Variants in SLC37A1 observed in about 807,000 individuals in gnomAD.
SLC37A1 encodes solute carrier family 37 member 1.
Under a neutral mutation model 75.3 loss-of-function variants are expected in SLC37A1, and 49 were observed. That is an observed-to-expected ratio of 0.65 (90% confidence interval 0.52 to 0.83). The LOEUF (loss-of-function observed/expected upper bound fraction) is 0.83, where lower values mean the gene tolerates loss of function less well. SLC37A1 is among the 40% of genes least tolerant of loss of function. The pLI is 0.00. For synonymous variants in SLC37A1, 268 were observed against 292.1 expected, an observed-to-expected ratio of 0.92 and a Z score of 0.84; for missense variants, 566 against 695.0, an observed-to-expected ratio of 0.81 and a Z score of 2.09.
chr21:42,519,861 C>G (rs1295085465), intron 2 of SLC37A1, among the ~76,000 whole-genome samples: 1 of 152,188 alleles, frequency 6.6e-6, no homozygotes, highest in African/African-American at 2.4e-5. Flanking sequence ...TTCAAACTCA[C>G]GTAACTTACT....
intron 2 of SLC37A1, among the ~76,000 whole-genome samples, chr21:42,519,240 G>T (rs1001281935): frequency 6.6e-6 from 1 of 152,232 alleles, no homozygotes; most frequent in African/African-American, 2.4e-5. Flanking sequence ...CCTCAAAGGG[G>T]CATTTAGAAT....
At chr21:42,529,925 C>T (rs4546084) in intron 3 of SLC37A1, among the ~76,000 whole-genome samples, 27,199 of 152,044 alleles carry the variant, frequency 0.18, 4,357 homozygotes, top group African/African-American at 0.43. Flanking sequence ...AAATAAAAAA[C>T]ACTACAGCCT....
chr21:42,543,524 T>C lies in SLC37A1; in HGVS notation c.652T>C (p.Cys218Arg), dbSNP rs1192211006. Residue 218 changes from cysteine to arginine, a missense_variant, in exon 8 of 20, where the codon TGC (cysteine) becomes CGC (arginine). By Grantham distance (180) the Cys-to-Arg change is radical. Coordinates refer to ENST00000352133, the MANE Select transcript of SLC37A1 (RefSeq NM_001320537.2). ...GATCGCTGGCTACTGGGTGTCCACATGCTGGGGCCTGTCCTTCGTCGTGCC... is the reference window on the plus strand; with the variant it reads ...GATCGCTGGCTACTGGGTGTCCACACGCTGGGGCCTGTCCTTCGTCGTGCC... Reference protein sequence around the residue: ...SLIAGYWVSTCWGLSFVVPGA... With the variant: ...SLIAGYWVSTRWGLSFVVPGA... The C allele has an allele frequency of 1.9e-6, 3 of 1,614,098 alleles. No homozygotes were observed. The highest frequency in any genetic ancestry group is 1.7e-5 in the Admixed American group (1 of 60,008).
chr21:42,571,075 G>A (rs958063870), intron 17 of SLC37A1, among the ~76,000 whole-genome samples: 4 of 152,240 alleles, frequency 2.6e-5, no homozygotes, highest in African/African-American at 4.8e-5. Flanking sequence ...GGTCACCATG[G>A]AAACGGCGCT....
rs1284130709 is a variant in SLC37A1 at position 42,542,389 on chromosome 21, T to C, written c.487-15T>C. 2.5e-6 allele frequency: 4 copies of C among 1,613,050 alleles called. No homozygotes were observed. The highest frequency in any genetic ancestry group is 3.4e-6 in the Non-Finnish European group (4 of 1,179,506). ...GCTTCCCACAGGTCAGTCTCTCCTT[T>C]GGCCTCTCCTGCAGGTCATCAACGG... On this transcript the variant is annotated splice_polypyrimidine_tract_variant and intron_variant, in intron 6 of 19. Transcript: ENST00000352133.
At chr21:42,527,118 G>A (rs1340073577) in intron 3 of SLC37A1, among the ~76,000 whole-genome samples, 1 of 152,232 alleles carries the variant, frequency 6.6e-6, no homozygotes, top group African/African-American at 2.4e-5. Context: ...GAAAGGTTGG[G>A]TGTGGATTGT....
chr21:42,563,960 CAGGGTT>C, intron 13 of SLC37A1, 83 bp downstream of exon 13: 2 of 1,495,994 alleles, frequency 1.3e-6, no homozygotes, highest in Non-Finnish European at 1.9e-6. Context: ...CTCAGGGGAA[CAGGGTT>C]CCCCAAGGTC....
chr21:42,539,407 A>G (rs2055218207), intron 5 of SLC37A1, 105 bp from the exon 6 acceptor site: 2 of 1,325,722 alleles, frequency 1.5e-6, no homozygotes, highest in Admixed American at 2.4e-5. Flanking sequence ...GAGTTCCCCA[A>G]GCTCAGAGAA....
Position 42,547,305 on chromosome 21 carries a change from G to T in SLC37A1, c.768+165G>T, listed in dbSNP as rs2055434539. 6 of 732,990 alleles carry T rather than the reference G, an allele frequency of 8.2e-6. No homozygotes were observed. The Admixed American group carries it at 1.3e-4, about 16-fold the overall frequency. 45.4% of individuals were successfully genotyped at this position (732,990 alleles called of 1,614,324 possible). On this transcript the variant is annotated intron_variant, in intron 9 of 19. Coordinates refer to ENST00000352133, the MANE Select transcript of SLC37A1 (RefSeq NM_001320537.2). This position sits in a 1 kb window ranked among gnomAD's most constrained non-coding sequence, Gnocchi z 6.1. ...AGGAATAGAGAATATTCTGTTTTGGGTTTCGCTGATAATAACCTTATCAGC... is the reference window on the plus strand; with the variant it reads ...AGGAATAGAGAATATTCTGTTTTGGTTTTCGCTGATAATAACCTTATCAGC...
chr21:42,577,527 A>G (rs1472039508), intron 18 of SLC37A1, among the ~76,000 whole-genome samples: 2 of 152,252 alleles, frequency 1.3e-5, no homozygotes, highest in Non-Finnish European at 2.9e-5. Context: ...TGGGACAATG[A>G]GAGTTCCAGT....
chr21:42,517,394 A>G (rs1181684515), intron 1 of SLC37A1, among the ~76,000 whole-genome samples: 3 of 152,118 alleles, frequency 2.0e-5, no homozygotes, highest in African/African-American at 7.2e-5. Context: ...GCTGGAGCAG[A>G]TAGAAGAGAT....
intron 16 of SLC37A1, among the ~76,000 whole-genome samples, chr21:42,567,568 G>C (rs954517370): frequency 6.6e-6 from 1 of 152,190 alleles, no homozygotes; most frequent in Admixed American, 6.5e-5. Context: ...GCCTTCACGG[G>C]GTAGAGGCAG....
intron 3 of SLC37A1, among the ~76,000 whole-genome samples, chr21:42,526,814 C>T (rs1436266643): frequency 6.6e-6 from 1 of 152,174 alleles, no homozygotes; most frequent in Admixed American, 6.5e-5. Flanking sequence ...CTGTGGAAAA[C>T]GTTTGCAGAC....
chr21:42,561,633 A>G (rs179185), intron 11 of SLC37A1: 92,923 of 162,536 alleles, frequency 0.57, 27,499 homozygotes, highest in Admixed American at 0.71. Context: ...GCGATGTAGT[A>G]TGAAAATCAA....
In SLC37A1 at chr21:42,545,473, G is replaced by A. The variant is rs1013620147; in HGVS notation, c.731-1630G>A. On this transcript the variant is annotated intron_variant, in intron 8 of 19. Transcript: ENST00000352133. This position sits in a 1 kb window ranked among gnomAD's most constrained non-coding sequence, Gnocchi z 4.0. ...TAAAGGCATCAGATGTGCCATTCTT[G>A]CGGTCAACAGAGGATGTGGCTTTCT... 1.3e-5 allele frequency among the ~76,000 whole-genome samples: 2 copies of A among 152,130 alleles called. No individual in the cohort carries two copies. Among genetic ancestry groups the A allele is most frequent in the African/African-American group, 4.8e-5 (2 of 41,444 alleles).
chr21:42,565,141 G>A (rs1166302555), intron 14 of SLC37A1, among the ~76,000 whole-genome samples: 1 of 152,264 alleles, frequency 6.6e-6, no homozygotes, highest in Non-Finnish European at 1.5e-5. Flanking sequence ...ATGATGCATG[G>A]TGCATAGTGC....
In SLC37A1 at chr21:42,543,730, G is replaced by A. The variant is rs111933379; in HGVS notation, c.730+128G>A. 8.1e-3 allele frequency: 7,337 copies of A among 901,596 alleles called. 72 individuals are homozygous for A. Among genetic ancestry groups the A allele is most frequent in the South Asian group, 0.021 (1,104 of 52,582 alleles). The allele number at this position is 901,596 out of a possible 1,614,324, so 55.8% of individuals were successfully genotyped here. On this transcript the variant is annotated intron_variant, in intron 8 of 19. Transcript: ENST00000352133. ...CCTGTTTGCCCGTGGCTGCCTCAGC[G>A]CTCTTCTTACCAGGGAGACTTCCCC...
chr21:42,569,949 G>GCTGCGTTTCCTTGTT (rs376308042), intron 17 of SLC37A1, among the ~76,000 whole-genome samples: 89 of 152,214 alleles, frequency 5.8e-4, no homozygotes, highest in South Asian at 1.0e-3. Context: ...CGCTGCTGCT[G>GCTGCGTTTCCTTGTT]CTGCGTTTCC....
chr21:42,545,781 C>T lies in SLC37A1; in HGVS notation c.731-1322C>T, dbSNP rs1450305388. Among the ~76,000 whole-genome samples, 1 of 152,244 alleles carries T rather than the reference C, an allele frequency of 6.6e-6. No individual in the cohort carries two copies. The highest frequency in any genetic ancestry group is 1.5e-5 in the Non-Finnish European group (1 of 68,034). On this transcript the variant is annotated intron_variant, in intron 8 of 19. Transcript: ENST00000352133. The surrounding 1 kb of genome is among the most constrained non-coding windows in gnomAD (Gnocchi z 4.0). ...TTGGTGACCATACATCACAGGTGGA[C>T]CATTGGGACTGCCCAACATGCCGAC...
Sources: gnomAD v4.1 joint callset for allele counts (sites outside exome capture counted in the v4.1 genomes callset) on GRCh38, gnomAD v4.1.1 for gene constraint, Gnocchi (gnomAD v3.1) non-coding constraint, MANE v1.5 for transcripts, NCBI Gene and HGNC (gene_info 2026-07-23, HGNC 2026-07-21) for gene names.